CNTN4: variants seen among roughly 807,000 people sequenced by gnomAD.
CNTN4 encodes the protein contactin 4, also known as contactin-4.
In CNTN4, 77 loss-of-function variants were observed where a neutral mutation model predicts 122.5. That is an observed-to-expected ratio of 0.63 (90% CI 0.52 to 0.76). The LOEUF (loss-of-function observed/expected upper bound fraction) is 0.76. Among genes scored for constraint, CNTN4 ranks in the 30% least tolerant of loss-of-function variants. The pLI is 0.00. For missense variants in CNTN4, 1,256 were observed against 1,259.1 expected (o/e 1.00, Z 0.04); for synonymous variants, 512 against 447.0 (o/e 1.15, Z -1.83).
intron 2 of CNTN4, among the ~76,000 whole-genome samples, chr3:2,146,267 C>CT (rs1205276376): frequency 1.3e-5 from 2 of 150,542 alleles, no homozygotes; most frequent in Non-Finnish European, 1.5e-5. Flanking sequence ...AGAGTAACTG[C>CT]TGTTAATATT....
At chr3:2,380,391 T>C (rs140039533) in intron 3 of CNTN4, among the ~76,000 whole-genome samples, 2 of 152,182 alleles carry the variant, frequency 1.3e-5, no homozygotes, top group East Asian at 1.9e-4. Flanking sequence ...AGATCTGATG[T>C]TGTAGATTGG....
Position 2,348,489 on chromosome 3 carries a change from C to G in CNTN4, c.-89+9256C>G, listed in dbSNP as rs1336340794. Among the ~76,000 whole-genome samples, 5 of 152,186 alleles carry G rather than the reference C, an allele frequency of 3.3e-5. No individual in the cohort carries two copies. In the East Asian group the frequency reaches 9.6e-4, roughly 29 times the overall value. ...CCCTCAGGCCTATAGCGAGAACCAC[C>G]CTGTCCCTGAACCACCACCACATTA... On this transcript the variant is annotated intron_variant, in intron 3 of 24. Transcript: ENST00000418658.
At chr3:2,141,739 C>G (rs929090812) in intron 2 of CNTN4, among the ~76,000 whole-genome samples, 1 of 152,054 alleles carries the variant, frequency 6.6e-6, no homozygotes, top group African/African-American at 2.4e-5. Flanking sequence ...CACACTTTCA[C>G]TGTTCTCAGG....
chr3:2,697,489 A>G (rs1035406667), intron 4 of CNTN4, among the ~76,000 whole-genome samples: 50 of 152,298 alleles, frequency 3.3e-4, no homozygotes, highest in Middle Eastern at 3.4e-3. Context: ...CCTACTCATT[A>G]CCATGTTTGT....
chr3:2,918,594 C>T (rs1330002153), intron 12 of CNTN4, among the ~76,000 whole-genome samples: 2 of 152,126 alleles, frequency 1.3e-5, no homozygotes, highest in Admixed American at 1.3e-4. Context: ...TTGAAATTGG[C>T]CAAGGTAGGA....
At chr3:2,822,120 T>A (rs1447858274) in intron 7 of CNTN4, among the ~76,000 whole-genome samples, 1 of 152,216 alleles carries the variant, frequency 6.6e-6, no homozygotes, top group Non-Finnish European at 1.5e-5. Flanking sequence ...TTTTGAAGAC[T>A]GACAGAAAAT....
intron 3 of CNTN4, among the ~76,000 whole-genome samples, chr3:2,551,636 T>C (rs888353246): frequency 1.3e-5 from 2 of 152,160 alleles, no homozygotes; most frequent in African/African-American, 4.8e-5. Flanking sequence ...GGGAATCCCA[T>C]GCAAAATCAG....
chr3:2,694,253 A>G (rs2085897231), intron 4 of CNTN4, among the ~76,000 whole-genome samples: 1 of 152,160 alleles, frequency 6.6e-6, no homozygotes, highest in East Asian at 1.9e-4. Flanking sequence ...AGCCAAACAC[A>G]GCTGTTTTGT....
At chr3:2,729,374 C>A (rs946602271) in intron 4 of CNTN4, among the ~76,000 whole-genome samples, 4 of 149,578 alleles carry the variant, frequency 2.7e-5, no homozygotes, top group East Asian at 2.0e-4. Context: ...ACCATCCCGG[C>A]TAACACAAAA....
At chr3:2,293,636 G>A (rs2042208320) in intron 2 of CNTN4, among the ~76,000 whole-genome samples, 1 of 152,170 alleles carries the variant, frequency 6.6e-6, no homozygotes, top group Admixed American at 6.5e-5. Context: ...TGTGTTGGCT[G>A]TTATTATTAC....
chr3:2,692,353 G>C (rs1450888259), intron 4 of CNTN4, among the ~76,000 whole-genome samples: 1 of 152,080 alleles, frequency 6.6e-6, no homozygotes, highest in Admixed American at 6.6e-5. Context: ...CCTGCAGGCA[G>C]TTCCAATAAT....
chr3:2,730,900 T>G (rs1490643908), intron 4 of CNTN4, among the ~76,000 whole-genome samples: 1 of 151,840 alleles, frequency 6.6e-6, no homozygotes, highest in Non-Finnish European at 1.5e-5. Flanking sequence ...AATGTGGAAG[T>G]GGGCCAAATT....
chr3:2,379,088 A>C (rs1357155805), intron 3 of CNTN4, among the ~76,000 whole-genome samples: 1 of 152,200 alleles, frequency 6.6e-6, no homozygotes, highest in Non-Finnish European at 1.5e-5. Flanking sequence ...GTTTACCTAT[A>C]CAATAGGCAT....
At chr3:2,350,280 C>G (rs1238646922) in intron 3 of CNTN4, among the ~76,000 whole-genome samples, 1 of 152,068 alleles carries the variant, frequency 6.6e-6, no homozygotes, top group Non-Finnish European at 1.5e-5. Context: ...TAAGGTATCC[C>G]CAGCAGTGTT....
chr3:2,781,794 T>A (rs12489800), intron 6 of CNTN4, among the ~76,000 whole-genome samples: 18 of 132,832 alleles, frequency 1.4e-4, no homozygotes, highest in Middle Eastern at 3.9e-3. Flanking sequence ...GCGCGATCTC[T>A]GCTCACTGCA....
intron 13 of CNTN4, among the ~76,000 whole-genome samples, chr3:2,930,302 A>G (rs2094508404): frequency 6.6e-6 from 1 of 152,204 alleles, no homozygotes; most frequent in Non-Finnish European, 1.5e-5. Context: ...GATGATGATT[A>G]TTATTGTTAT....
intron 6 of CNTN4, among the ~76,000 whole-genome samples, chr3:2,772,814 AAG>A (rs2091160881): frequency 6.6e-6 from 1 of 152,208 alleles, no homozygotes; most frequent in African/African-American, 2.4e-5. Context: ...TCATCCAAAA[AAG>A]AGAGAAAAGC....
At chr3:2,561,706 A>G (rs2078963361) in intron 3 of CNTN4, among the ~76,000 whole-genome samples, 1 of 152,238 alleles carries the variant, frequency 6.6e-6, no homozygotes, top group Admixed American at 6.5e-5. Flanking sequence ...TGAGGCTAAC[A>G]GAGGTTAAAT....
intron 2 of CNTN4, among the ~76,000 whole-genome samples, chr3:2,322,832 T>C (rs1145046): frequency 0.83 from 125,918 of 151,826 alleles, 52,700 homozygotes; most frequent in East Asian, 1. Flanking sequence ...GTGTATTTAA[T>C]ATTCTAAGAT....
Sources: allele counts gnomAD v4.1 joint callset (sites outside exome capture counted in the v4.1 genomes callset), GRCh38; gene constraint gnomAD v4.1.1; transcripts MANE v1.5; gene names NCBI Gene and HGNC (gene_info 2026-07-23, HGNC 2026-07-21).